The following FAT3 variants were observed in gnomAD, a reference collection of about 807,000 sequenced individuals.
FAT3 encodes the protein FAT atypical cadherin 3, also known as protocadherin Fat 3.
FAT3 carries 95 observed loss-of-function variants against 310.2 expected under a neutral mutation model. That is an observed-to-expected ratio of 0.31 (90% CI 0.26 to 0.36). FAT3 has a LOEUF of 0.36. Among genes scored for constraint, FAT3 ranks in the 10% least tolerant of loss-of-function variants. FAT3 has a pLI of 1.00. For missense variants in FAT3, 5,408 were observed against 5,715.6 expected, an observed-to-expected ratio of 0.95 and a Z score of 1.74; for synonymous variants, 2,314 against 2,192.9, an observed-to-expected ratio of 1.06 and a Z score of -1.54.
chr11:92,798,010 A>C lies in FAT3; in HGVS notation c.4997A>C (p.Asn1666Thr). 6.2e-7 allele frequency: 1 copy of C among 1,613,856 alleles called. No individual in the cohort carries two copies. Among genetic ancestry groups the C allele is most frequent in the Non-Finnish European group, 8.5e-7 (1 of 1,179,850 alleles). Residue 1666 changes from asparagine to threonine, a missense_variant, in exon 10 of 28, where the codon AAT becomes ACT. Coordinates refer to ENST00000525166, the MANE Select transcript of FAT3 (RefSeq NM_001367949.2). ...IVRISVTMSD[N>T]SHPKFIHKDY... Reference sequence around the variant, plus strand: ...CGCATTTCCGTCACCATGTCTGACAATTCTCACCCCAAGTTCATTCACAAA... The same window carrying C: ...CGCATTTCCGTCACCATGTCTGACACTTCTCACCCCAAGTTCATTCACAAA...
chr11:92,269,239 G>T (rs1330516310), intron 1 of FAT3, among the ~76,000 whole-genome samples: 1 of 152,046 alleles, frequency 6.6e-6, no homozygotes. Context: ...CATAGAAGCT[G>T]AGAGATGCAT....
chr11:92,879,994 A>C, intron 22 of FAT3, among the ~76,000 whole-genome samples: 1 of 151,962 alleles, frequency 6.6e-6, no homozygotes. Context: ...CACCCTTACT[A>C]GTTATTCATC....
chr11:92,282,410 A>C (rs1002619007), intron 1 of FAT3, among the ~76,000 whole-genome samples: 9 of 152,090 alleles, frequency 5.9e-5, no homozygotes, highest in African/African-American at 2.2e-4. Flanking sequence ...CATGCCTATA[A>C]TCTCAGCACT....
chr11:92,315,512 T>TAGACAGAGAGAG (rs1947430614), intron 1 of FAT3, among the ~76,000 whole-genome samples: 1 of 56,172 alleles, frequency 1.8e-5, no homozygotes. Flanking sequence ...TATATATATA[T>TAGACAGAGAGAG]AGAGAGAGAG....
At position 92,867,188 on chromosome 11, in the gene FAT3, T is replaced by A. The variant is rs2136353007; in HGVS notation, c.12106T>A (p.Cys4036Ser). 1 of 1,581,128 alleles carries A rather than the reference T, an allele frequency of 6.3e-7. No homozygotes were observed. The highest frequency in any genetic ancestry group is 8.6e-7 in the Non-Finnish European group (1 of 1,167,408). The change falls in exon 22 of 28, where the codon TGC becomes AGC. Residue 4036 changes from cysteine (C) to serine (S), a missense_variant. Cys to Ser is a moderately radical substitution (Grantham distance 112). Around this residue, in one of 5 missense-constraint regions of FAT3, gnomAD observed 4,588 missense variants for 4,809.8 expected, o/e 0.95. Coordinates refer to ENST00000525166, the MANE Select transcript of FAT3 (RefSeq NM_001367949.2). ...CAGCCCGTGCCAGCACGGGGGCAGC[T>A]GCACTGGCCTGCCATCGGGGGGTGA... ...KRSPCQHGGSCTGLPSGGYQC... is the reference protein window; with the variant it reads ...KRSPCQHGGSSTGLPSGGYQC...
chr11:92,229,492 GTTTT>G (rs780129800), intron 1 of FAT3, among the ~76,000 whole-genome samples: 4 of 60,236 alleles, frequency 6.6e-5, no homozygotes, highest in East Asian at 4.3e-4. Flanking sequence ...GTTTTTTCGT[GTTTT>G]TTTTTTTTTT....
At position 92,228,733 on chromosome 11, in the gene FAT3, A is replaced by C. The variant is rs186256184; in HGVS notation, c.-18+3559A>C. ...AGGACTATTGTGGCTTTATTTTACC[A>C]GTTGTGGCATTGGGGTATGGCATTC... is the stretch of plus-strand genomic sequence containing the variant. On this transcript the variant is annotated intron_variant, in intron 1 of 27. Transcript: ENST00000525166. Among the ~76,000 whole-genome samples the C allele has an allele frequency of 3.3e-5, 5 of 152,334 alleles. No individual in the cohort carries two copies. The East Asian group carries it at 9.6e-4, about 29-fold the overall frequency.
At chr11:92,794,878 A>T (rs1322029917) in intron 9 of FAT3, among the ~76,000 whole-genome samples, 1 of 152,238 alleles carries the variant, frequency 6.6e-6, no homozygotes, top group African/African-American at 2.4e-5. Flanking sequence ...TAGAGGAGCA[A>T]GTTTCTTCCC....
At chr11:92,731,133 G>A (rs1214396876) in intron 4 of FAT3, among the ~76,000 whole-genome samples, 1 of 152,110 alleles carries the variant, frequency 6.6e-6, no homozygotes, top group Non-Finnish European at 1.5e-5. Flanking sequence ...CTAAAGCTCA[G>A]CATTTTGCTA....
intron 1 of FAT3, among the ~76,000 whole-genome samples, chr11:92,348,360 T>C (rs1235504492): frequency 6.6e-6 from 1 of 152,196 alleles, no homozygotes; most frequent in African/African-American, 2.4e-5. Context: ...GCAATGTATC[T>C]TGCTGAAAGA....
chr11:92,293,993 G>A (rs1477211185), intron 1 of FAT3, among the ~76,000 whole-genome samples: 2 of 151,992 alleles, frequency 1.3e-5, no homozygotes, highest in African/African-American at 4.8e-5. Context: ...TCAGTTTCCT[G>A]CCATCTTAGT....
In FAT3 at chr11:92,831,743, C is replaced by T. The variant is rs778983512; in HGVS notation, c.9603C>T (p.Tyr3201=). The change falls in exon 14 of 28, where the codon TAC becomes TAT. Residue 3201 remains tyrosine (Y), a synonymous_variant. Coordinates refer to ENST00000525166, the MANE Select transcript of FAT3 (RefSeq NM_001367949.2). The part of the protein sequence containing the change: ...QPLDREQQSS[Y]NISVRATDQS... ...TGGACCGTGAGCAGCAGTCTTCGTA[C>T]AACATCAGCGTGCGGGCCACTGACC... 2.5e-6 allele frequency: 4 copies of T among 1,613,566 alleles called. No individual in the cohort carries two copies. Among genetic ancestry groups the T allele is most frequent in the East Asian group, 2.2e-5 (1 of 44,834 alleles).
chr11:92,623,277 G>A (rs1941170933), intron 3 of FAT3, among the ~76,000 whole-genome samples: 1 of 148,322 alleles, frequency 6.7e-6, no homozygotes, highest in Non-Finnish European at 1.5e-5. Context: ...GAAGACAAGG[G>A]CCATGTCTTA....
At chr11:92,447,601 G>C (rs1021894874) in intron 2 of FAT3, among the ~76,000 whole-genome samples, 1 of 152,032 alleles carries the variant, frequency 6.6e-6, no homozygotes, top group Non-Finnish European at 1.5e-5. Flanking sequence ...GTATATTTGA[G>C]GACAATGATG....
At chr11:92,843,870 T>C (rs2136289644) in intron 18 of FAT3, 64 bp from the exon 19 acceptor site, 1 of 1,474,370 alleles carries the variant, frequency 6.8e-7, no homozygotes, top group Non-Finnish European at 9.1e-7. Flanking sequence ...ATCTGCGGGT[T>C]TTTAAAAACT....
At chr11:92,601,458 G>A (rs968325315) in intron 3 of FAT3, among the ~76,000 whole-genome samples, 13 of 152,170 alleles carry the variant, frequency 8.5e-5, no homozygotes, top group African/African-American at 2.9e-4. Flanking sequence ...AGCTGAGTGT[G>A]GTGGCAGGTG....
chr11:92,449,678 G>A (rs1565326100), intron 2 of FAT3, among the ~76,000 whole-genome samples: 1 of 152,134 alleles, frequency 6.6e-6, no homozygotes, highest in Non-Finnish European at 1.5e-5. Context: ...CCTTAGCAGT[G>A]GAGCTCAAAG....
rs772397109 is a variant in FAT3 at position 92,890,672 on chromosome 11, G to A, written c.13329G>A (p.Glu4443=). Residue 4443 remains glutamate, a synonymous_variant, in exon 28 of 28, where the codon GAG becomes GAA. Coordinates refer to ENST00000525166, the MANE Select transcript of FAT3 (RefSeq NM_001367949.2). ...IDSEYPPPHE[E]EFLSQDQLPP... ...GTGAATACCCACCCCCTCATGAAGA[G>A]GAGTTCTTGAGTCAGGACCAGCTGC... The A allele has an allele frequency of 2.5e-5, 41 of 1,613,678 alleles. No homozygotes were observed. The East Asian group carries it at 8.7e-4, about 34-fold the overall frequency.
chr11:92,366,900 T>TG, intron 2 of FAT3: 1 of 533,448 alleles, frequency 1.9e-6, no homozygotes, highest in Non-Finnish European at 3.7e-6. Context: ...ACATCACAGG[T>TG]GCACCTCCAG....
Sources: allele counts gnomAD v4.1 joint callset (sites outside exome capture counted in the v4.1 genomes callset), GRCh38; gene constraint gnomAD v4.1.1; regional missense constraint gnomAD v4.1.1; transcripts MANE v1.5; gene names NCBI Gene and HGNC (gene_info 2026-07-23, HGNC 2026-07-21).